Variants in COL4A5 observed in about 807,000 individuals in gnomAD.
COL4A5 encodes the protein collagen type IV alpha 5 chain.
COL4A5 carries 26 observed loss-of-function variants against 130.2 expected under a neutral mutation model. That is an observed-to-expected ratio of 0.20 (90% CI 0.15 to 0.28). The LOEUF is 0.28. Ranked by LOEUF, COL4A5 falls within the 10% of genes least tolerant of loss-of-function variation. The pLI, the probability that COL4A5 is intolerant of heterozygous loss-of-function variation, is 1.00. For missense variants in COL4A5, 1,131 were observed against 1,344.3 expected (o/e 0.84, Z 2.48); for synonymous variants, 496 against 439.6 (o/e 1.13, Z -1.60).
chrX:108,666,730 C>G, intron 39 of COL4A5, 136 bp downstream of exon 39: 5 of 559,845 alleles, frequency 8.9e-6, no homozygotes, highest in Non-Finnish European at 1.2e-5. Flanking sequence ...TCCTAGTTAC[C>G]GTCTTCCTCT....
At chrX:108,590,474 A>T (rs933817920) in intron 19 of COL4A5, among the ~76,000 whole-genome samples, 2 of 111,749 alleles carry the variant, frequency 1.8e-5, no homozygotes, top group African/African-American at 6.5e-5. Flanking sequence ...CCAATATAAT[A>T]AACAGTTGAT....
rs903247321 is a variant in COL4A5 at position 108,571,593 on chromosome X, A to G, written c.438+127A>G. On this transcript the variant is annotated intron_variant, in intron 7 of 52. Transcript: ENST00000328300. ...ATTTTAAAGTAATAAACTAGAGGAA[A>G]ATGTTTCAAAAAGAAGTTGGTAATA... is the stretch of plus-strand genomic sequence containing the variant. The G allele has an allele frequency of 7.7e-6, 5 of 646,717 alleles. No individual in the cohort carries two copies. In the African/African-American group the frequency reaches 8.9e-5, roughly 11 times the overall value. 53.3% of individuals were successfully genotyped at this position (646,717 alleles called of 1,213,427 possible).
At chrX:108,598,924 A>C (rs1309923876) in intron 25 of COL4A5, 54 bp downstream of exon 25, 2 of 1,147,933 alleles carry the variant, frequency 1.7e-6, no homozygotes, top group Admixed American at 4.4e-5. Context: ...GAAATTTATT[A>C]TGTTTTGGCT....
Position 108,597,364 on chromosome X carries a change from T to G in COL4A5, c.1588-13T>G, listed in dbSNP as rs201708502. On this transcript the variant is annotated splice_polypyrimidine_tract_variant and intron_variant, in intron 23 of 52. Transcript: ENST00000328300. Reference sequence around the variant, plus strand: ...TTTCCACTCTTTTTTCTTTTTTTCCTTACTCATTTCAGGGCATTCCAGGAG... The same window carrying G: ...TTTCCACTCTTTTTTCTTTTTTTCCGTACTCATTTCAGGGCATTCCAGGAG... 6.4e-4 allele frequency: 769 copies of G among 1,200,703 alleles called. 1 individual carries two copies. The highest frequency in any genetic ancestry group is 8.2e-4 in the Non-Finnish European group (729 of 887,859).
At chrX:108,537,152 A>G (rs1023525300) in intron 1 of COL4A5, among the ~76,000 whole-genome samples, 1 of 111,109 alleles carries the variant, frequency 9.0e-6, no homozygotes, top group African/African-American at 3.3e-5. Context: ...AAATTGTTCC[A>G]TTAACCAGAT....
At chrX:108,456,640 A>G (rs758869426) in intron 1 of COL4A5, among the ~76,000 whole-genome samples, 11 of 111,663 alleles carry the variant, frequency 9.9e-5, no homozygotes, top group Non-Finnish European at 2.1e-4. Context: ...GCTGTCTTTT[A>G]AGGAAGATAC....
chrX:108,526,637 TTTCTTTC>T (rs1371125626), intron 1 of COL4A5, among the ~76,000 whole-genome samples: 1 of 68,004 alleles, frequency 1.5e-5, no homozygotes, highest in Non-Finnish European at 2.5e-5. Context: ...TCTTTCTTTC[TTTCTTTC>T]TTTCTTTCTT....
Position 108,626,191 on chromosome X carries a change from T to A in COL4A5, c.3107-19T>A. The stretch of plus-strand genomic sequence containing the variant: ...AAAGCATATTTTGTAAAATATTATA[T>A]ATCACATATTTTCAACAGGGCCTCA... On this transcript the variant is annotated intron_variant, in intron 35 of 52. Transcript: ENST00000328300. 2 of 1,199,981 alleles carry A rather than the reference T, an allele frequency of 1.7e-6. No homozygotes were observed. The highest frequency in any genetic ancestry group is 1.1e-6 in the Non-Finnish European group (1 of 886,055).
At chrX:108,478,175 A>G (rs2147521376) in intron 1 of COL4A5, among the ~76,000 whole-genome samples, 1 of 111,631 alleles carries the variant, frequency 9.0e-6, no homozygotes, top group African/African-American at 3.3e-5. Context: ...TCTTGATAGT[A>G]TGGGTCAGTC....
intron 36 of COL4A5, among the ~76,000 whole-genome samples, chrX:108,645,579 T>A (rs771819025): frequency 1.6e-4 from 18 of 109,669 alleles, no homozygotes; most frequent in African/African-American, 5.3e-4. Context: ...TTACTTTTTT[T>A]TAAAATTATT....
chrX:108,541,234 G>T (rs749778322), intron 2 of COL4A5, among the ~76,000 whole-genome samples: 5 of 112,045 alleles, frequency 4.5e-5, no homozygotes, highest in African/African-American at 1.6e-4. Context: ...ACATTAGTTT[G>T]ATGGGAGTAG....
At chrX:108,580,890 A>G in intron 15 of COL4A5, 93 bp from the exon 16 acceptor site, 4 of 1,017,828 alleles carry the variant, frequency 3.9e-6, no homozygotes, top group Non-Finnish European at 5.6e-6. Flanking sequence ...AATATAGTCC[A>G]AGCCAGGAAT....
intron 1 of COL4A5, among the ~76,000 whole-genome samples, chrX:108,487,173 C>T (rs966395140): frequency 2.7e-5 from 3 of 110,520 alleles, no homozygotes; most frequent in Non-Finnish European, 5.7e-5. Flanking sequence ...AGGTGATCAC[C>T]GGAGGTCAGG....
chrX:108,689,803 AG>A, intron 49 of COL4A5: 1 of 754,487 alleles, frequency 1.3e-6, no homozygotes, highest in Non-Finnish European at 1.6e-6. Flanking sequence ...TCTGTCTGGG[AG>A]AAAAGAAAAA....
At chrX:108,629,652 T>TTTTA (rs1245041400) in intron 36 of COL4A5, among the ~76,000 whole-genome samples, 7 of 111,398 alleles carry the variant, frequency 6.3e-5, no homozygotes, top group South Asian at 7.5e-4. Context: ...TAGTTTTTTA[T>TTTTA]TTTATTTATT....
chrX:108,575,865 T>C, intron 9 of COL4A5, 45 bp from the exon 10 acceptor site: 1 of 910,929 alleles, frequency 1.1e-6, no homozygotes, highest in African/African-American at 1.9e-5. Flanking sequence ...ATAAGGGGCT[T>C]GTTTTTCTTT....
chrX:108,621,334 C>CT (rs2067046688), intron 31 of COL4A5, among the ~76,000 whole-genome samples: 1 of 106,724 alleles, frequency 9.4e-6, no homozygotes, highest in African/African-American at 3.4e-5. Context: ...TTTTTTTTTT[C>CT]TTTTTTTCTT....
At chrX:108,531,151 T>C (rs1348266991) in intron 1 of COL4A5, among the ~76,000 whole-genome samples, 13 of 91,840 alleles carry the variant, frequency 1.4e-4, no homozygotes, top group Admixed American at 9.3e-4. Flanking sequence ...TAGGTGGGAA[T>C]TGAACAATGA....
chrX:108,483,346 C>T (rs1184092323), intron 1 of COL4A5, among the ~76,000 whole-genome samples: 1 of 110,471 alleles, frequency 9.1e-6, no homozygotes, highest in East Asian at 2.8e-4. Flanking sequence ...AGTCTGAATC[C>T]CAAAACTGAA....
Sources: allele counts gnomAD v4.1 joint callset (sites outside exome capture counted in the v4.1 genomes callset), GRCh38; gene constraint gnomAD v4.1.1; transcripts MANE v1.5; gene names NCBI Gene and HGNC (gene_info 2026-07-23, HGNC 2026-07-21).